ZBTB20: variants seen among roughly 807,000 people sequenced by gnomAD.
ZBTB20 encodes zinc finger and BTB domain containing 20, also known as zinc finger and BTB domain-containing protein 20.
In ZBTB20, 9 loss-of-function variants were observed where a neutral mutation model predicts 56.9. The ratio of observed to expected loss-of-function variants is 0.16; its 90% CI spans 0.10 to 0.28. The LOEUF is 0.28. Ranked by LOEUF, ZBTB20 falls within the 10% of genes least tolerant of loss-of-function variation. ZBTB20 has a pLI of 1.00. For synonymous variants in ZBTB20, 417 were observed against 420.7 expected (o/e 0.99, Z 0.11); for missense variants, 655 against 1,003.0 (o/e 0.65, Z 4.69).
At chr3:114,963,016 G>A (rs1318623081) in intron 3 of ZBTB20, among the ~76,000 whole-genome samples, 1 of 151,630 alleles carries the variant, frequency 6.6e-6, no homozygotes. Flanking sequence ...GCTCCATTTT[G>A]CTGAAGCTGG....
intron 7 of ZBTB20, among the ~76,000 whole-genome samples, chr3:114,442,133 T>G (rs1455290641): frequency 6.6e-6 from 1 of 152,082 alleles, no homozygotes; most frequent in African/African-American, 2.4e-5. Context: ...GTTTCCCCCT[T>G]TTAGATAACA....
chr3:114,529,721 TG>T (rs1161169228), intron 6 of ZBTB20, among the ~76,000 whole-genome samples: 1 of 152,238 alleles, frequency 6.6e-6, no homozygotes, highest in African/African-American at 2.4e-5. Flanking sequence ...GTAGGGATGA[TG>T]GGTTGGGGTT....
intron 6 of ZBTB20, among the ~76,000 whole-genome samples, chr3:114,663,417 C>T (rs1292969495): frequency 6.8e-6 from 1 of 147,116 alleles, no homozygotes; most frequent in Admixed American, 6.8e-5. Flanking sequence ...ACAACCGGTA[C>T]CAGCCGCTGC....
intron 5 of ZBTB20, among the ~76,000 whole-genome samples, chr3:114,716,998 G>A (rs1331879406): frequency 1.3e-5 from 2 of 152,046 alleles, no homozygotes; most frequent in Non-Finnish European, 2.9e-5. Flanking sequence ...TACAGGGGAG[G>A]TGTATGTAGA....
chr3:114,474,757 A>G (rs2040549414), intron 7 of ZBTB20, among the ~76,000 whole-genome samples: 1 of 152,134 alleles, frequency 6.6e-6, no homozygotes, highest in South Asian at 2.1e-4. Context: ...CTTGCTCCCC[A>G]AATATAATGG....
chr3:114,772,577 A>C (rs1465666377), intron 5 of ZBTB20, among the ~76,000 whole-genome samples: 1 of 152,176 alleles, frequency 6.6e-6, no homozygotes, highest in Admixed American at 6.5e-5. Context: ...ATCAAACAGA[A>C]AATAAATACT....
chr3:115,098,474 T>C (rs1428991893), intron 1 of ZBTB20, among the ~76,000 whole-genome samples: 1 of 152,096 alleles, frequency 6.6e-6, no homozygotes, highest in Non-Finnish European at 1.5e-5. Flanking sequence ...TGTACCATAT[T>C]AACATAAAAT....
chr3:114,687,843 C>T (rs2062438795), intron 6 of ZBTB20: 1 of 152,090 alleles, frequency 6.6e-6, no homozygotes, highest in Admixed American at 6.5e-5. Context: ...CTTAAGAGTC[C>T]ACTAAACTTG....
intron 2 of ZBTB20, among the ~76,000 whole-genome samples, chr3:115,054,412 T>C (rs896541729): frequency 4.6e-5 from 7 of 152,130 alleles, no homozygotes; most frequent in Middle Eastern, 3.2e-3. Context: ...AACGTCTTAA[T>C]ATTAAAAATG....
At chr3:115,131,733 A>G (rs2084511490) in intron 1 of ZBTB20, among the ~76,000 whole-genome samples, 1 of 152,214 alleles carries the variant, frequency 6.6e-6, no homozygotes, top group Non-Finnish European at 1.5e-5. Context: ...AACAGGTAGA[A>G]TATATCACAT....
At chr3:114,707,786 G>A (rs575175081) in intron 5 of ZBTB20, among the ~76,000 whole-genome samples, 11 of 152,124 alleles carry the variant, frequency 7.2e-5, no homozygotes, top group Non-Finnish European at 1.0e-4. Context: ...TGCCTTTCCC[G>A]TCTCTCAGAT....
intron 1 of ZBTB20, among the ~76,000 whole-genome samples, chr3:115,140,102 C>G (rs545845796): frequency 6.6e-6 from 1 of 151,954 alleles, no homozygotes; most frequent in African/African-American, 2.4e-5. Context: ...GAAACAAACT[C>G]AGATGATTAG....
intron 6 of ZBTB20, among the ~76,000 whole-genome samples, chr3:114,663,774 G>C (rs1244733431): frequency 6.6e-6 from 1 of 151,406 alleles, no homozygotes; most frequent in Non-Finnish European, 1.5e-5. Context: ...AACCAACAAA[G>C]ATCAAAAGAG....
intron 6 of ZBTB20, among the ~76,000 whole-genome samples, chr3:114,684,394 C>A (rs976098570): frequency 9.9e-5 from 15 of 152,202 alleles, no homozygotes; most frequent in Non-Finnish European, 1.8e-4. Context: ...GTTTTTGTAT[C>A]TGGTTTGTAT....
intron 3 of ZBTB20, among the ~76,000 whole-genome samples, chr3:114,953,434 C>T (rs1023212331): frequency 9.3e-5 from 14 of 150,956 alleles, no homozygotes; most frequent in Admixed American, 4.6e-4. Context: ...ATTATCAGAA[C>T]GGATTTTTTT....
intron 5 of ZBTB20, among the ~76,000 whole-genome samples, chr3:114,781,296 T>C (rs1008694320): frequency 6.6e-6 from 1 of 152,150 alleles, no homozygotes; most frequent in South Asian, 2.1e-4. Flanking sequence ...GTTGTGAGGA[T>C]GGAATGCCAT....
At chr3:114,675,853 CAA>C (rs2061596113) in intron 6 of ZBTB20, among the ~76,000 whole-genome samples, 3 of 31,422 alleles carry the variant, frequency 9.5e-5, no homozygotes, top group Admixed American at 5.5e-4. Flanking sequence ...CAGTCACCAA[CAA>C]CAACAGCAGT....
chr3:115,092,559 T>C (rs761282723), intron 1 of ZBTB20, among the ~76,000 whole-genome samples: 6 of 152,094 alleles, frequency 3.9e-5, no homozygotes, highest in East Asian at 1.9e-4. Flanking sequence ...TGTGTATTCA[T>C]AGAAATGTCC....
chr3:114,820,585 AAGCCT>A (rs2073183449), intron 4 of ZBTB20, among the ~76,000 whole-genome samples: 12 of 152,110 alleles, frequency 7.9e-5, no homozygotes, highest in Admixed American at 7.9e-4. Flanking sequence ...AAGTTATTTT[AAGCCT>A]AAAATGAATT....
Sources: gnomAD v4.1 joint callset for allele counts (sites outside exome capture counted in the v4.1 genomes callset) on GRCh38, gnomAD v4.1.1 for gene constraint, MANE v1.5 for transcripts, NCBI Gene and HGNC (gene_info 2026-07-23, HGNC 2026-07-21) for gene names.